The following RCN1 variants were observed in gnomAD, a reference collection of about 807,000 sequenced individuals.
RCN1 encodes the protein reticulocalbin 1, also known as reticulocalbin-1.
Under a neutral mutation model 34.7 loss-of-function variants are expected in RCN1, and 14 were observed. The observed-to-expected ratio is 0.40, with a 90% CI of 0.27 to 0.63. RCN1 has a LOEUF of 0.63. Among genes scored for constraint, RCN1 ranks in the 30% least tolerant of loss-of-function variants. The probability of loss-of-function intolerance (pLI) is 0.37; values close to 1 mark genes in which losing one functional copy is unlikely to be tolerated. For missense variants in RCN1, 326 were observed against 425.1 expected (o/e 0.77, Z 2.05); for synonymous variants, 125 against 165.5 (o/e 0.76, Z 1.88).
At chr11:32,103,612 G>A (rs1852073828) in intron 5 of RCN1, 132 bp downstream of exon 5, 2 of 750,110 alleles carry the variant, frequency 2.7e-6, no homozygotes, top group South Asian at 3.5e-5. Flanking sequence ...TTGTCCTACA[G>A]TGGAGACCTG....
At chr11:32,097,084 G>A in intron 1 of RCN1, 60 bp from the exon 2 acceptor site, 1 of 1,353,518 alleles carries the variant, frequency 7.4e-7, no homozygotes, top group Non-Finnish European at 9.7e-7. Context: ...CACAAGCCTT[G>A]ATAATATAAC....
rs1006325565 is a variant in RCN1, at chr11:32,091,321, A to T, written c.125A>T (p.Asp42Val). The change falls in exon 1 of 6, where the codon GAC (aspartate) becomes GTC (valine). Residue 42 changes from aspartate to valine, a missense_variant. By Grantham distance (152) the Asp-to-Val change is radical. Transcript: ENST00000054950. The stretch of plus-strand genomic sequence containing the variant: ...CGCAAAGAGCGCGTGGTGCGGCCCG[A>T]CTCGGAGCTGGGCGAGCGGCCCCCT... ...TVRKERVVRP[D>V]SELGERPPED... is the part of the protein sequence containing the mutation. The T allele has an allele frequency of 1.3e-6, 2 of 1,547,600 alleles. No individual in the cohort carries two copies. Among genetic ancestry groups the T allele is most frequent in the African/African-American group, 2.7e-5 (2 of 72,810 alleles).
chr11:32,098,703 G>A (rs1418888953), intron 3 of RCN1, among the ~76,000 whole-genome samples, 175 bp downstream of exon 3: 1 of 152,188 alleles, frequency 6.6e-6, no homozygotes. Flanking sequence ...CAGGCTGGCT[G>A]CTGTAACAGA....
At chr11:32,099,070 A>G (rs1489601335) in intron 3 of RCN1, among the ~76,000 whole-genome samples, 1 of 152,220 alleles carries the variant, frequency 6.6e-6, no homozygotes, top group Non-Finnish European at 1.5e-5. Context: ...CTGTAATCCC[A>G]GCACTTTGGG....
rs751273423 is a variant in RCN1, at chr11:32,104,473, T to C, written c.*1T>C. 23 of 1,381,274 alleles carry C rather than the reference T, an allele frequency of 1.7e-5. No homozygotes were observed. Among genetic ancestry groups the C allele is most frequent in the Middle Eastern group, 5.0e-4 (2 of 4,020 alleles). 85.6% of individuals were successfully genotyped at this position (1,381,274 alleles called of 1,614,324 possible). On this transcript the variant is annotated 3_prime_UTR_variant, in exon 6 of 6. Coordinates refer to ENST00000054950, the MANE Select transcript of RCN1 (RefSeq NM_002901.4). ...CACAAAAAATCATGATGAGCTTTGA[T>C]AGACACTCACCAGAATATGGCAGAC...
rs550062127 is a variant in RCN1 at position 32,103,454 on chromosome 11, C to A, written c.862C>A (p.Leu288Met). ...YDHAQAEARH[L>M]VYESDKNKDE... The stretch of plus-strand genomic sequence containing the variant: ...TCATGCACAGGCTGAGGCCAGGCAT[C>A]TGGTATATGAATCAGACAAAAACAA... The change falls in exon 5 of 6, where the codon CTG (leucine) becomes ATG (methionine). Residue 288 changes from leucine (L) to methionine (M), a missense_variant. Transcript: ENST00000054950. 1.2e-6 allele frequency: 2 copies of A among 1,613,866 alleles called. No homozygotes were observed. The highest frequency in any genetic ancestry group is 4.5e-5 in the East Asian group (2 of 44,894).
chr11:32,094,202 G>A (rs1011236753), intron 1 of RCN1, among the ~76,000 whole-genome samples: 3 of 152,150 alleles, frequency 2.0e-5, no homozygotes, highest in Non-Finnish European at 4.4e-5. Flanking sequence ...GAATGAGTGT[G>A]GCTGGATCTA....
Position 32,103,337 on chromosome 11 carries a change from C to T in RCN1, c.745C>T (p.Arg249Trp), listed in dbSNP as rs775986862. The T allele has an allele frequency of 9.3e-6, 15 of 1,613,632 alleles. No individual in the cohort carries two copies. The highest frequency in any genetic ancestry group is 2.7e-5 in the African/African-American group (2 of 74,874). ...TGAGCCAGACTGGGTTTTATCAGAA[C>T]GGGAGCAGTTTAACGAATTCCGGGA... is the stretch of plus-strand genomic sequence containing the variant. ...GPEPDWVLSE[R>W]EQFNEFRDLN... is the part of the protein sequence containing the mutation. Residue 249 changes from arginine to tryptophan, a missense_variant, in exon 5 of 6, where the codon CGG (arginine) becomes TGG (tryptophan). Coordinates refer to ENST00000054950, the MANE Select transcript of RCN1 (RefSeq NM_002901.4).
At position 32,103,217 on chromosome 11, in the gene RCN1, A is replaced by G. The variant is rs187259619; in HGVS notation, c.689-64A>G. The G allele has an allele frequency of 3.0e-4, 444 of 1,479,290 alleles. 1 individual carries two copies. The African/African-American group carries it at 4.2e-3, about 14-fold the overall frequency. The allele number at this position is 1,479,290 out of a possible 1,614,324, so 91.6% of individuals were successfully genotyped here. ...AAGCTCAGGAGGTCAAGTTTGTTTT[A>G]TGGGGGTGGGGGAGGTTTACCTTCC... On this transcript the variant is annotated intron_variant, in intron 4 of 5. Coordinates refer to ENST00000054950, the MANE Select transcript of RCN1 (RefSeq NM_002901.4).
At chr11:32,091,549 A>C in intron 1 of RCN1, 99 bp downstream of exon 1, 4 of 1,444,194 alleles carry the variant, frequency 2.8e-6, no homozygotes, top group Non-Finnish European at 3.7e-6. Flanking sequence ...CGAAAGCGAA[A>C]TCGCGCGCGC....
intron 1 of RCN1, 135 bp downstream of exon 1, chr11:32,091,585 A>C: frequency 3.4e-6 from 4 of 1,163,134 alleles, no homozygotes; most frequent in Non-Finnish European, 4.7e-6. Context: ...GCCCTGCCCA[A>C]CTCGGCGCTG....
rs541093406 is a variant in RCN1 at position 32,091,101 on chromosome 11, C to T, written c.-96C>T. 10 of 1,338,228 alleles carry T rather than the reference C, an allele frequency of 7.5e-6. No homozygotes were observed. In the African/African-American group the frequency reaches 1.2e-4, roughly 17 times the overall value. The allele number at this position is 1,338,228 out of a possible 1,614,324, so 82.9% of individuals were successfully genotyped here. A position where few individuals can be genotyped will look rare whatever the true frequency, so the allele number is the denominator to read the frequency against. The stretch of plus-strand genomic sequence containing the variant: ...TCCCCTCCTCCGCGCCGGCCCCAAC[C>T]CTGTCGCTGCCGCCGCGCTCCGAGT... On this transcript the variant is annotated 5_prime_UTR_variant, in exon 1 of 6. Coordinates refer to ENST00000054950, the MANE Select transcript of RCN1 (RefSeq NM_002901.4).
chr11:32,096,060 A>G (rs146084331), intron 1 of RCN1, among the ~76,000 whole-genome samples: 1,817 of 152,250 alleles, frequency 0.012, 45 homozygotes, highest in African/African-American at 0.041. Flanking sequence ...AAACTGATGA[A>G]TTTGTTTCCC....
intron 2 of RCN1, 38 bp downstream of exon 2, chr11:32,097,375 C>G: frequency 6.9e-7 from 1 of 1,445,456 alleles, no homozygotes; most frequent in Non-Finnish European, 9.2e-7. Flanking sequence ...CAGTGGGGGC[C>G]CAGATCACAA....
At chr11:32,095,243 AG>A (rs1851959877) in intron 1 of RCN1, among the ~76,000 whole-genome samples, 2 of 110,468 alleles carry the variant, frequency 1.8e-5, no homozygotes, top group Non-Finnish European at 3.7e-5. Flanking sequence ...TTCATGTTTT[AG>A]TCTTTTTTTT....
At chr11:32,100,090 T>C (rs189248247) in intron 3 of RCN1, among the ~76,000 whole-genome samples, 5 of 152,296 alleles carry the variant, frequency 3.3e-5, no homozygotes, top group African/African-American at 9.6e-5. Context: ...AAGTCAGATA[T>C]ACTTTTATTT....
chr11:32,097,276 G>A lies in RCN1; in HGVS notation c.387G>A (p.Arg129=), dbSNP rs762787946. The change falls in exon 2 of 6, where the codon AGG becomes AGA. Residue 129 remains arginine, a synonymous_variant. Coordinates refer to ENST00000054950, the MANE Select transcript of RCN1 (RefSeq NM_002901.4). The part of the protein sequence containing the change: ...NVAKVWKDYD[R]DKDDKISWEE... ...CCAAAGTCTGGAAGGATTATGATAG[G>A]GACAAGGATGATAAAATTTCCTGGG... 1.8e-5 allele frequency: 29 copies of A among 1,594,844 alleles called. No individual in the cohort carries two copies. Among genetic ancestry groups the A allele is most frequent in the Non-Finnish European group, 2.4e-5 (28 of 1,175,004 alleles).
chr11:32,098,309 C>G (rs369260789), intron 2 of RCN1, 41 bp from the exon 3 acceptor site: 12 of 1,559,064 alleles, frequency 7.7e-6, no homozygotes, highest in South Asian at 2.4e-5. Context: ...CTTTCTTGAC[C>G]GCACGGTTTA....
intron 1 of RCN1, among the ~76,000 whole-genome samples, chr11:32,092,307 AAAT>A (rs2133471533): frequency 6.6e-6 from 1 of 152,294 alleles, no homozygotes; most frequent in African/African-American, 2.4e-5. Context: ...TCCATCTCAA[AAAT>A]AATAAAAATA....
Sources: allele counts gnomAD v4.1 joint callset (sites outside exome capture counted in the v4.1 genomes callset), GRCh38; gene constraint gnomAD v4.1.1; transcripts MANE v1.5; gene names NCBI Gene and HGNC (gene_info 2026-07-23, HGNC 2026-07-21).